Variants in PC observed in about 807,000 individuals in gnomAD.
PC encodes the protein pyruvate carboxylase, mitochondrial.
PC carries 46 observed loss-of-function variants against 107.8 expected under a neutral mutation model. The ratio of observed to expected loss-of-function variants is 0.43; its 90% CI spans 0.34 to 0.55. The LOEUF is 0.55. Ranked by LOEUF, PC falls within the 20% of genes least tolerant of loss-of-function variation. The probability of loss-of-function intolerance (pLI) is 0.04; values close to 1 mark genes in which losing one functional copy is unlikely to be tolerated. For missense variants in PC, 1,241 were observed against 1,643.1 expected (o/e 0.76, Z 4.23); for synonymous variants, 662 against 684.7 (o/e 0.97, Z 0.52).
chr11:66,880,282 A>G (rs955922971), intron 3 of PC, among the ~76,000 whole-genome samples: 1 of 152,138 alleles, frequency 6.6e-6, no homozygotes, highest in Admixed American at 6.5e-5. Context: ...CTTCAAGGTT[A>G]TGGTGGAATA....
intron 3 of PC, among the ~76,000 whole-genome samples, chr11:66,875,336 T>A (rs368725920): frequency 6.6e-6 from 1 of 152,046 alleles, no homozygotes; most frequent in Admixed American, 6.6e-5. Flanking sequence ...GAAGAAATCC[T>A]GTATGGGTGG....
rs541877490 is a variant in PC, at chr11:66,870,587, C to T, written c.752-134G>A. ...GGTACAGAGGCTGCCAGGAGAGACA[C>T]CAGCATCACCAAGGCTGTGAGGACC... is the stretch of plus-strand genomic sequence containing the variant. On this transcript the variant is annotated intron_variant, in intron 8 of 22. Transcript: ENST00000393960. The surrounding 1 kb of genome is among the most constrained non-coding windows in gnomAD (Gnocchi z 6.1). 33 of 1,167,326 alleles carry T rather than the reference C, an allele frequency of 2.8e-5. No homozygotes were observed. In the African/African-American group the frequency reaches 4.7e-4, roughly 17 times the overall value. 72.3% of individuals were successfully genotyped at this position (1,167,326 alleles called of 1,614,324 possible).
intron 3 of PC, among the ~76,000 whole-genome samples, chr11:66,875,856 G>A (rs868826998): frequency 4.6e-5 from 7 of 152,254 alleles, no homozygotes; most frequent in South Asian, 2.1e-4. Flanking sequence ...ACACCACGCT[G>A]ACCGAGAGAT....
At chr11:66,872,184 G>A in intron 3 of PC, 25 bp from the exon 4 acceptor site, 1 of 1,568,628 alleles carries the variant, frequency 6.4e-7, no homozygotes. Context: ...TAGAGCCCAG[G>A]TTAGCGCAGC....
chr11:66,871,970 T>C lies in PC; in HGVS notation c.136+54A>G. ...CCTGGGGCAGTGAGTGGGAGAAGAATGCCAAGGCTGGGGCGGCCATGAGGC... is the reference window on the plus strand; with the variant it reads ...CCTGGGGCAGTGAGTGGGAGAAGAACGCCAAGGCTGGGGCGGCCATGAGGC... On this transcript the variant is annotated intron_variant, in intron 4 of 22. Coordinates refer to ENST00000393960, the MANE Select transcript of PC (RefSeq NM_001040716.2). The surrounding 1 kb of genome is among the most constrained non-coding windows in gnomAD (Gnocchi z 7.4). The C allele has an allele frequency of 6.4e-7, 1 of 1,561,126 alleles. No individual in the cohort carries two copies. Among genetic ancestry groups the C allele is most frequent in the Admixed American group, 1.9e-5 (1 of 51,938 alleles).
rs759153929 is a variant in PC at position 66,850,314 on chromosome 11, T to C, written c.2624A>G (p.His875Arg). The C allele has an allele frequency of 6.2e-7, 1 of 1,614,062 alleles. No individual in the cohort carries two copies. The highest frequency in any genetic ancestry group is 1.1e-5 in the South Asian group (1 of 91,080). The change falls in exon 19 of 23, where the codon CAC (histidine) becomes CGC (arginine). Residue 875 changes from histidine to arginine, a missense_variant. This residue lies in a region of PC where 1,143 missense variants were observed against 1,551.9 expected (regional missense o/e 0.74). Transcript: ENST00000393960. ...EIPGGQYTNL[H>R]FQAHSMGLGS... ...AAGCCCCATGCTGTGGGCCTGGAAG[T>C]GCAGGTTGGTGTACTGGCCCCCTGG...
intron 12 of PC, among the ~76,000 whole-genome samples, chr11:66,855,070 C>G (rs565307021): frequency 2.0e-5 from 3 of 152,250 alleles, no homozygotes; most frequent in African/African-American, 7.2e-5. Context: ...CAGGGCTGAG[C>G]GCAGACCCAC....
chr11:66,951,776 G>A (rs959754472), intron 3 of PC, among the ~76,000 whole-genome samples: 1 of 152,038 alleles, frequency 6.6e-6, no homozygotes, highest in Admixed American at 6.6e-5. Context: ...TGTAGTCCCA[G>A]CTACTCGGGA....
intron 3 of PC, among the ~76,000 whole-genome samples, chr11:66,891,398 G>C (rs1947569084): frequency 6.7e-6 from 1 of 148,440 alleles, no homozygotes; most frequent in Non-Finnish European, 1.5e-5. Context: ...GTTTTGTTTT[G>C]TTTTGTTTTT....
intron 3 of PC, among the ~76,000 whole-genome samples, chr11:66,881,327 C>T (rs571715311): frequency 5.9e-5 from 9 of 152,326 alleles, no homozygotes; most frequent in African/African-American, 7.2e-5. Flanking sequence ...TCACTTGGGA[C>T]GTGTAAATAA....
intron 12 of PC, among the ~76,000 whole-genome samples, chr11:66,854,006 G>A (rs761251297): frequency 6.6e-6 from 1 of 152,242 alleles, no homozygotes; most frequent in Non-Finnish European, 1.5e-5. Flanking sequence ...CATAAGTTCA[G>A]CAAGTCCACG....
intron 3 of PC, among the ~76,000 whole-genome samples, chr11:66,894,056 T>C (rs1947664942): frequency 6.6e-6 from 1 of 152,026 alleles, no homozygotes; most frequent in African/African-American, 2.4e-5. Context: ...AAAAACCTCC[T>C]ACTCATTACC....
intron 2 of PC, among the ~76,000 whole-genome samples, chr11:66,953,841 G>A (rs1949492620): frequency 6.6e-6 from 1 of 152,102 alleles, no homozygotes; most frequent in Non-Finnish European, 1.5e-5. Context: ...TACTCTGGGC[G>A]TTATTTCACC....
chr11:66,897,226 G>A (rs1026685617), intron 3 of PC, among the ~76,000 whole-genome samples: 10 of 151,998 alleles, frequency 6.6e-5, no homozygotes, highest in Non-Finnish European at 7.4e-5. Context: ...GAGCCACCGC[G>A]CCCAGCCTTG....
At chr11:66,920,678 G>A (rs1948572857) in intron 3 of PC, among the ~76,000 whole-genome samples, 2 of 152,132 alleles carry the variant, frequency 1.3e-5, no homozygotes, top group Non-Finnish European at 1.5e-5. Flanking sequence ...CTTCTGTGGG[G>A]TATCAGAACT....
intron 3 of PC, among the ~76,000 whole-genome samples, chr11:66,942,648 C>G (rs1003291883): frequency 2.0e-5 from 3 of 152,052 alleles, no homozygotes; most frequent in Non-Finnish European, 4.4e-5. Context: ...GAAAAAAAGT[C>G]TGCAGATAGT....
chr11:66,870,791 G>C lies in PC; in HGVS notation c.735C>G (p.Ile245Met), dbSNP rs1212408282. 5 of 1,612,982 alleles carry C rather than the reference G, an allele frequency of 3.1e-6. No individual in the cohort carries two copies. The highest frequency in any genetic ancestry group is 2.2e-5 in the East Asian group (1 of 44,852). The change falls in exon 8 of 23, where the codon ATC (isoleucine) becomes ATG (methionine). Residue 245 changes from isoleucine to methionine, a missense_variant. By Grantham distance (10) the Ile-to-Met change is conservative. This residue lies in a region of PC where 1,143 missense variants were observed against 1,551.9 expected (regional missense o/e 0.74). Coordinates refer to ENST00000393960, the MANE Select transcript of PC (RefSeq NM_001040716.2). The surrounding 1 kb of genome is among the most constrained non-coding windows in gnomAD (Gnocchi z 6.1). ...ACCACTCACCCAAGATCTGCACCTC[G>C]ATGTGCCGTGGCTTCTCGATGAACT... ...VEKFIEKPRH[I>M]EVQILGDQYG...
intron 3 of PC, among the ~76,000 whole-genome samples, chr11:66,929,618 C>T (rs928518424): frequency 6.6e-6 from 1 of 152,158 alleles, no homozygotes; most frequent in Non-Finnish European, 1.5e-5. Flanking sequence ...CCACCCACCT[C>T]GGCCTCCCAA....
At chr11:66,944,024 G>T (rs539830414) in intron 3 of PC, among the ~76,000 whole-genome samples, 1 of 140,620 alleles carries the variant, frequency 7.1e-6, no homozygotes, top group South Asian at 2.2e-4. Flanking sequence ...GCTCACGCCT[G>T]TAATCCCAGC....
Sources: gnomAD v4.1 joint callset for allele counts (sites outside exome capture counted in the v4.1 genomes callset) on GRCh38, gnomAD v4.1.1 for gene constraint, gnomAD v4.1.1 regional missense constraint, Gnocchi (gnomAD v3.1) non-coding constraint, MANE v1.5 for transcripts, NCBI Gene and HGNC (gene_info 2026-07-23, HGNC 2026-07-21) for gene names.